RALGAPA2: variants seen among roughly 807,000 people sequenced by gnomAD.
RALGAPA2 encodes the protein Ral GTPase activating protein catalytic subunit alpha 2.
A neutral mutation model predicts 230.4 loss-of-function variants in RALGAPA2; 139 were observed. The ratio of observed to expected loss-of-function variants is 0.60; its 90% CI spans 0.53 to 0.69. The LOEUF is 0.69. Ranked by LOEUF, RALGAPA2 falls within the 30% of genes least tolerant of loss-of-function variation. The pLI, the probability that RALGAPA2 is intolerant of heterozygous loss-of-function variation, is 0.00. For synonymous variants in RALGAPA2, 847 were observed against 837.8 expected, an observed-to-expected ratio of 1.01 and a Z score of -0.19; for missense variants, 2,163 against 2,276.0, an observed-to-expected ratio of 0.95 and a Z score of 1.01.
intron 37 of RALGAPA2, among the ~76,000 whole-genome samples, chr20:20,430,601 A>G (rs2060480924): frequency 6.6e-6 from 1 of 152,246 alleles, no homozygotes; most frequent in African/African-American, 2.4e-5. Flanking sequence ...CTGGTGATTT[A>G]CTTTGTAGAC....
chr20:20,705,216 G>A (rs1049975780), intron 1 of RALGAPA2, among the ~76,000 whole-genome samples: 2 of 152,168 alleles, frequency 1.3e-5, no homozygotes, highest in Admixed American at 1.3e-4. Flanking sequence ...CTTGATTTTT[G>A]TTGTTGTTGA....
Position 20,571,538 on chromosome 20 carries a change from G to A in RALGAPA2, c.3076C>T (p.Arg1026Cys), listed in dbSNP as rs368591727. The change falls in exon 23 of 40, where the codon CGC becomes TGC. Residue 1026 changes from arginine (R) to cysteine (C), a missense_variant. By Grantham distance (180) the Arg-to-Cys change is radical (BLOSUM62 -3). Transcript: ENST00000202677. Reference sequence around the variant, plus strand: ...TCTGAGTTTGGCAGAACGTCCTGGCGTCTGGTCATCATGGCACAGATCAGC... The same window carrying A: ...TCTGAGTTTGGCAGAACGTCCTGGCATCTGGTCATCATGGCACAGATCAGC... ...YRLICAMMTR[R>C]QDVLPNSDFL... The A allele has an allele frequency of 1.2e-4, 187 of 1,612,426 alleles. No individual in the cohort carries two copies. The highest frequency in any genetic ancestry group is 1.5e-4 in the Non-Finnish European group (172 of 1,179,324).
At chr20:20,442,445 G>A (rs148914018) in intron 37 of RALGAPA2, among the ~76,000 whole-genome samples, 2 of 152,314 alleles carry the variant, frequency 1.3e-5, no homozygotes, top group African/African-American at 2.4e-5. Context: ...CATCTCATTC[G>A]TTTCCTTTGC....
intron 37 of RALGAPA2, among the ~76,000 whole-genome samples, chr20:20,428,711 G>C (rs1487104546): frequency 4.8e-5 from 4 of 83,556 alleles, no homozygotes; most frequent in Non-Finnish European, 9.9e-5. Flanking sequence ...TATTGTGCCT[G>C]CCACCCATCT....
intron 36 of RALGAPA2, among the ~76,000 whole-genome samples, chr20:20,485,118 C>G (rs1479740582): frequency 6.6e-6 from 1 of 151,638 alleles, no homozygotes; most frequent in East Asian, 1.9e-4. Context: ...ATGTGTGGCC[C>G]AAGATAATTC....
At position 20,680,558 on chromosome 20, in the gene RALGAPA2, A is replaced by G. The variant is rs2068483165; in HGVS notation, c.217+133T>C. 4 of 1,281,822 alleles carry G rather than the reference A, an allele frequency of 3.1e-6. No individual in the cohort carries two copies. The African/African-American group carries it at 6.3e-5, about 20-fold the overall frequency. 79.4% of individuals were successfully genotyped at this position (1,281,822 alleles called of 1,614,324 possible). On this transcript the variant is annotated intron_variant, in intron 2 of 39. Transcript: ENST00000202677. ...GAGAAACAAAGATGCCACCCTGTCC[A>G]CCATGCTCTCACAGCTTTGCTAAAG...
Position 20,712,389 on chromosome 20 carries a change from A to C in RALGAPA2, c.92T>G (p.Leu31Arg). Residue 31 changes from leucine (L) to arginine (R), a missense_variant, in exon 1 of 40, where the codon CTG becomes CGG. Coordinates refer to ENST00000202677, the MANE Select transcript of RALGAPA2 (RefSeq NM_020343.4). The surrounding 1 kb of genome is among the most constrained non-coding windows in gnomAD (Gnocchi z 5.5). ...KKDVLTRLKH[L>R]RALLDNVDAN... ...GCGCGCCTCACCCAGCAGCGCCCGCAGGTGCTTCAGGCGGGTCAGCACGTC... is the reference window on the plus strand; with the variant it reads ...GCGCGCCTCACCCAGCAGCGCCCGCCGGTGCTTCAGGCGGGTCAGCACGTC... 1 of 1,548,332 alleles carries C rather than the reference A, an allele frequency of 6.5e-7. No individual in the cohort carries two copies. Among genetic ancestry groups the C allele is most frequent in the Non-Finnish European group, 8.7e-7 (1 of 1,145,432 alleles).
intron 2 of RALGAPA2, among the ~76,000 whole-genome samples, chr20:20,679,907 A>G (rs368200539): frequency 1.3e-5 from 2 of 152,250 alleles, no homozygotes; most frequent in African/African-American, 4.8e-5. Flanking sequence ...TAAATGAATG[A>G]CATCTACTTC....
chr20:20,567,689 A>G (rs923238050), intron 23 of RALGAPA2, among the ~76,000 whole-genome samples: 1 of 151,866 alleles, frequency 6.6e-6, no homozygotes. Flanking sequence ...AAGTTTCATT[A>G]TTTATAAAAT....
chr20:20,463,189 G>GTT (rs370131355), intron 37 of RALGAPA2, among the ~76,000 whole-genome samples: 2 of 145,410 alleles, frequency 1.4e-5, no homozygotes, highest in Non-Finnish European at 1.5e-5. Context: ...GTAGGATTCA[G>GTT]TTTTTTTTTT....
intron 37 of RALGAPA2, among the ~76,000 whole-genome samples, chr20:20,460,735 G>T (rs1378029914): frequency 6.6e-6 from 1 of 152,204 alleles, no homozygotes; most frequent in South Asian, 2.1e-4. Flanking sequence ...CAAACCCACT[G>T]AGGAAACTGG....
At chr20:20,495,858 T>C (rs907234464) in intron 35 of RALGAPA2, among the ~76,000 whole-genome samples, 1 of 152,218 alleles carries the variant, frequency 6.6e-6, no homozygotes, top group African/African-American at 2.4e-5. Context: ...CTACCTAGCA[T>C]TTAAGGAGTG....
intron 37 of RALGAPA2, among the ~76,000 whole-genome samples, chr20:20,445,693 A>G (rs2060845759): frequency 6.6e-6 from 1 of 152,256 alleles, no homozygotes; most frequent in Non-Finnish European, 1.5e-5. Flanking sequence ...ACTTCTGATT[A>G]ATGGTCAAAC....
intron 23 of RALGAPA2, among the ~76,000 whole-genome samples, chr20:20,558,012 AT>A (rs1184864368): frequency 1.3e-5 from 2 of 150,688 alleles, no homozygotes; most frequent in African/African-American, 4.9e-5. Context: ...CAATTTTTTT[AT>A]TTTTTTTTGA....
At chr20:20,444,861 A>C (rs577089124) in intron 37 of RALGAPA2, among the ~76,000 whole-genome samples, 1 of 152,360 alleles carries the variant, frequency 6.6e-6, no homozygotes. Context: ...TTCCAGAAGT[A>C]ATTCGTGTTT....
intron 23 of RALGAPA2, among the ~76,000 whole-genome samples, chr20:20,557,858 T>C (rs1458344597): frequency 1.3e-5 from 2 of 152,160 alleles, no homozygotes; most frequent in African/African-American, 2.4e-5. Context: ...AGGCCAGAAC[T>C]GCAGTTACCA....
chr20:20,492,305 A>G (rs183713032), intron 36 of RALGAPA2, among the ~76,000 whole-genome samples: 1 of 152,272 alleles, frequency 6.6e-6, no homozygotes, highest in East Asian at 1.9e-4. Flanking sequence ...GAGTCATACT[A>G]TACTCAGATG....
intron 37 of RALGAPA2, among the ~76,000 whole-genome samples, chr20:20,436,649 G>A (rs149825724): frequency 3.9e-5 from 6 of 152,336 alleles, no homozygotes; most frequent in African/African-American, 1.4e-4. Context: ...GATGGCTCAC[G>A]AAGGCTTCAA....
chr20:20,496,696 A>G (rs2062215423), intron 35 of RALGAPA2, among the ~76,000 whole-genome samples: 1 of 152,230 alleles, frequency 6.6e-6, no homozygotes, highest in Non-Finnish European at 1.5e-5. Context: ...CTATGTATTT[A>G]AAACGTGTTA....
Sources: gnomAD v4.1 joint callset for allele counts (sites outside exome capture counted in the v4.1 genomes callset) on GRCh38, gnomAD v4.1.1 for gene constraint, Gnocchi (gnomAD v3.1) non-coding constraint, MANE v1.5 for transcripts, NCBI Gene and HGNC (gene_info 2026-07-23, HGNC 2026-07-21) for gene names.